LMBRD1: variants seen among roughly 807,000 people sequenced by gnomAD.
The protein encoded by LMBRD1 is lysosomal cobalamin transport escort protein LMBD1.
LMBRD1 carries 64 observed loss-of-function variants against 74.8 expected under a neutral mutation model. The observed-to-expected ratio is 0.86, with a 90% CI of 0.70 to 1.05. The LOEUF (loss-of-function observed/expected upper bound fraction) is 1.05, where lower values mean the gene tolerates loss of function less well. Among genes scored for constraint, LMBRD1 ranks in the 50% least tolerant of loss-of-function variants. The probability of loss-of-function intolerance (pLI) is 0.00; values close to 1 mark genes in which losing one functional copy is unlikely to be tolerated. For missense variants in LMBRD1, 652 were observed against 645.9 expected, an observed-to-expected ratio of 1.01 and a Z score of -0.10; for synonymous variants, 204 against 216.3, an observed-to-expected ratio of 0.94 and a Z score of 0.50.
chr6:69,784,527 T>C (rs1158753520), intron 2 of LMBRD1, among the ~76,000 whole-genome samples: 2 of 152,172 alleles, frequency 1.3e-5, no homozygotes, highest in Admixed American at 6.5e-5. Context: ...TACAGGAATC[T>C]AGGAGGTAAG....
chr6:69,695,230 T>C (rs974925091), intron 14 of LMBRD1, among the ~76,000 whole-genome samples: 43 of 152,148 alleles, frequency 2.8e-4, no homozygotes, highest in African/African-American at 9.9e-4. Context: ...CCATTATCCC[T>C]GAAGTCTCTC....
rs758107642 is a variant in LMBRD1, at chr6:69,700,762, TACTC to T, written c.1187_1188+2del. ...AAAAAATAATACTGTAATATATACT[TACTC>T]TAATCCAAAAGAACCATATGCCAAT... On this transcript the variant is annotated splice_donor_variant and coding_sequence_variant, in exon 12 of 16. Coordinates refer to ENST00000649934, the MANE Select transcript of LMBRD1 (RefSeq NM_018368.4). LOFTEE classifies it high-confidence loss of function. 2 of 1,493,854 alleles carry T rather than the reference TACTC, an allele frequency of 1.3e-6. No individual in the cohort carries two copies. The highest frequency in any genetic ancestry group is 1.3e-5 in the South Asian group (1 of 79,460). 92.5% of individuals were successfully genotyped at this position (1,493,854 alleles called of 1,614,324 possible).
At chr6:69,748,402 A>G (rs1288460135) in intron 5 of LMBRD1, among the ~76,000 whole-genome samples, 4 of 152,262 alleles carry the variant, frequency 2.6e-5, no homozygotes, top group Admixed American at 6.5e-5. Flanking sequence ...ACCACTAAAA[A>G]AAGTGCTTAC....
At chr6:69,676,908 A>C (rs1397918560) in intron 14 of LMBRD1, among the ~76,000 whole-genome samples, 1 of 152,214 alleles carries the variant, frequency 6.6e-6, no homozygotes, top group Non-Finnish European at 1.5e-5. Flanking sequence ...ATGAACATCA[A>C]GAAGAAAGAA....
At chr6:69,698,999 T>C in intron 13 of LMBRD1, 44 bp downstream of exon 13, 5 of 1,303,700 alleles carry the variant, frequency 3.8e-6, no homozygotes, top group Non-Finnish European at 5.5e-6. Context: ...AATATCACTA[T>C]CTTTAAAATA....
At chr6:69,731,168 G>C (rs1004333463) in intron 7 of LMBRD1, among the ~76,000 whole-genome samples, 5 of 152,072 alleles carry the variant, frequency 3.3e-5, no homozygotes, top group African/African-American at 1.2e-4. Flanking sequence ...GTAGGGAGTA[G>C]GGAGGGGAGA....
At chr6:69,748,171 G>C (rs1193518388) in intron 5 of LMBRD1, among the ~76,000 whole-genome samples, 1 of 152,068 alleles carries the variant, frequency 6.6e-6, no homozygotes, top group Non-Finnish European at 1.5e-5. Context: ...GATTACTTCT[G>C]AGCTACAAGA....
intron 14 of LMBRD1, among the ~76,000 whole-genome samples, chr6:69,686,527 G>C (rs1765767339): frequency 6.6e-6 from 1 of 152,100 alleles, no homozygotes; most frequent in African/African-American, 2.4e-5. Flanking sequence ...AATTATTATA[G>C]ATATTATCAA....
At chr6:69,695,967 C>T (rs1765988466) in intron 14 of LMBRD1, among the ~76,000 whole-genome samples, 1 of 152,110 alleles carries the variant, frequency 6.6e-6, no homozygotes, top group Admixed American at 6.5e-5. Context: ...CCTCAGCCTC[C>T]CAAGTAGCTG....
intron 9 of LMBRD1, among the ~76,000 whole-genome samples, chr6:69,706,863 C>A (rs945474742): frequency 1.3e-5 from 2 of 152,154 alleles, no homozygotes; most frequent in Admixed American, 6.5e-5. Context: ...CAATGACACA[C>A]CACCACAAAC....
At chr6:69,736,599 AT>A (rs1203335005) in intron 7 of LMBRD1, among the ~76,000 whole-genome samples, 1 of 151,876 alleles carries the variant, frequency 6.6e-6, no homozygotes, top group Non-Finnish European at 1.5e-5. Flanking sequence ...ATTTCTCTCT[AT>A]TTTTTTCTCC....
chr6:69,777,044 AGGC>A (rs1290163799), intron 3 of LMBRD1, among the ~76,000 whole-genome samples: 1 of 152,152 alleles, frequency 6.6e-6, no homozygotes, highest in Non-Finnish European at 1.5e-5. Context: ...GCTACTCGGG[AGGC>A]CGAGGCAAGA....
intron 14 of LMBRD1, among the ~76,000 whole-genome samples, chr6:69,686,257 G>A (rs150917604): frequency 5.4e-4 from 82 of 152,232 alleles, no homozygotes; most frequent in Admixed American, 9.2e-4. Context: ...CTCGTTTAGA[G>A]TTCCCCATAC....
chr6:69,677,203 G>GT (rs1212038962), intron 14 of LMBRD1, among the ~76,000 whole-genome samples: 6 of 152,268 alleles, frequency 3.9e-5, no homozygotes, highest in Non-Finnish European at 5.9e-5. Flanking sequence ...TAACCAAATG[G>GT]TAACAGACTG....
At chr6:69,679,703 C>CT (rs1331979913) in intron 14 of LMBRD1, among the ~76,000 whole-genome samples, 3 of 152,102 alleles carry the variant, frequency 2.0e-5, no homozygotes, top group African/African-American at 7.2e-5. Context: ...GCTCCGGACT[C>CT]TGACAGACTT....
At chr6:69,687,298 C>T (rs1765783441) in intron 14 of LMBRD1, among the ~76,000 whole-genome samples, 1 of 152,150 alleles carries the variant, frequency 6.6e-6, no homozygotes, top group African/African-American at 2.4e-5. Context: ...CAAACCATTC[C>T]TCCTTCTGAA....
At chr6:69,796,552 G>A (rs1582175608) in intron 1 of LMBRD1, among the ~76,000 whole-genome samples, 1 of 152,182 alleles carries the variant, frequency 6.6e-6, no homozygotes, top group Non-Finnish European at 1.5e-5. Flanking sequence ...CCAAGTCAGC[G>A]ATGACGGCAA....
chr6:69,750,478 T>C (rs552136997), intron 4 of LMBRD1, among the ~76,000 whole-genome samples: 4 of 152,170 alleles, frequency 2.6e-5, no homozygotes, highest in African/African-American at 9.6e-5. Context: ...AAAAAGTTAA[T>C]AATAATCTCA....
At position 69,775,026 on chromosome 6, in the gene LMBRD1, G is replaced by C. The variant is rs111257726; in HGVS notation, c.307+5468C>G. On this transcript the variant is annotated intron_variant, in intron 3 of 15. Coordinates refer to ENST00000649934, the MANE Select transcript of LMBRD1 (RefSeq NM_018368.4). ...GGGAGGGAGGGAGGGAGGGAGGGAGGGAGGGAGGGAAGGAAGGAAAAGATG... is the reference window on the plus strand; with the variant it reads ...GGGAGGGAGGGAGGGAGGGAGGGAGCGAGGGAGGGAAGGAAGGAAAAGATG... 7.8e-4 allele frequency among the ~76,000 whole-genome samples: 71 copies of C among 90,574 alleles called. 3 individuals carry two copies. Among genetic ancestry groups the C allele is most frequent in the African/African-American group, 2.5e-3 (45 of 18,044 alleles). 59.4% of individuals were successfully genotyped at this position (90,574 alleles called of 152,430 possible).
Sources: allele counts gnomAD v4.1 joint callset (sites outside exome capture counted in the v4.1 genomes callset), GRCh38; gene constraint gnomAD v4.1.1; transcripts MANE v1.5; gene names NCBI Gene and HGNC (gene_info 2026-07-23, HGNC 2026-07-21).